The following MID1 variants were observed in gnomAD, a reference collection of about 807,000 sequenced individuals.
MID1 encodes the protein midline 1.
A neutral mutation model predicts 40.4 loss-of-function variants in MID1; 7 were observed. The observed-to-expected ratio is 0.17, with a 90% CI of 0.10 to 0.33. The LOEUF (loss-of-function observed/expected upper bound fraction) is 0.33. Among genes scored for constraint, MID1 ranks in the 10% least tolerant of loss-of-function variants. MID1 has a pLI of 1.00. For synonymous variants in MID1, 229 were observed against 221.2 expected, an observed-to-expected ratio of 1.04 and a Z score of -0.31; for missense variants, 367 against 558.5, an observed-to-expected ratio of 0.66 and a Z score of 3.46.
chrX:10,533,472 T>TAAA (rs201138973), intron 2 of MID1, among the ~76,000 whole-genome samples: 4,341 of 91,360 alleles, frequency 0.048, 166 homozygotes, highest in Non-Finnish European at 0.066. Flanking sequence ...ATGTGGATGG[T>TAAA]AAAAAAAAAA....
chrX:10,674,375 C>A (rs1338533591), intron 1 of MID1, among the ~76,000 whole-genome samples: 5 of 112,497 alleles, frequency 4.4e-5, no homozygotes. Flanking sequence ...GTTAGAACAG[C>A]ACGAGTTGGT....
At chrX:10,719,684 T>C (rs1245287324) in intron 1 of MID1, among the ~76,000 whole-genome samples, 1 of 111,354 alleles carries the variant, frequency 9.0e-6, no homozygotes, top group Non-Finnish European at 1.9e-5. Flanking sequence ...CTTCACAGAA[T>C]TGGAAAAAAT....
rs757899428 is a variant in MID1 at position 10,657,840 on chromosome X, T to C, written c.-186-37421A>G. Among the ~76,000 whole-genome samples the C allele has an allele frequency of 7.4e-4, 83 of 112,346 alleles. 1 individual carries two copies. Among genetic ancestry groups the C allele is most frequent in the South Asian group, 1.1e-3 (3 of 2,702 alleles). On this transcript the variant is annotated intron_variant, in intron 1 of 10. Transcript: ENST00000380785. The stretch of plus-strand genomic sequence containing the variant: ...AAACATTGACTTTTGGGTTGTAGGC[T>C]AAAGCACAGAGTTTAAATTGGTTAG...
intron 1 of MID1, among the ~76,000 whole-genome samples, chrX:10,669,260 A>G (rs1399985607): frequency 6.5e-5 from 7 of 106,945 alleles, no homozygotes; most frequent in African/African-American, 2.4e-4. Flanking sequence ...AAAAAAAGAA[A>G]TCTAGGACAC....
At chrX:10,582,618 C>G (rs145830019) in intron 1 of MID1, among the ~76,000 whole-genome samples, 2 of 111,920 alleles carry the variant, frequency 1.8e-5, no homozygotes, top group Non-Finnish European at 3.8e-5. Context: ...TCCTTACCAA[C>G]GGCTCCAAGC....
chrX:10,577,650 A>G (rs979475636), intron 1 of MID1, among the ~76,000 whole-genome samples: 54 of 83,286 alleles, frequency 6.5e-4, no homozygotes, highest in African/African-American at 7.4e-4. Context: ...TCGTGTGTGT[A>G]TATATATATA....
chrX:10,714,265 C>T (rs144351121), intron 1 of MID1, among the ~76,000 whole-genome samples: 1,173 of 112,715 alleles, frequency 0.01, 22 homozygotes, highest in African/African-American at 0.036. Context: ...GGAATGCAAA[C>T]AATCAGAAAT....
chrX:10,596,759 T>C (rs1172499161), intron 1 of MID1, among the ~76,000 whole-genome samples: 2 of 112,059 alleles, frequency 1.8e-5, no homozygotes, highest in Non-Finnish European at 3.8e-5. Context: ...AAACCTACAG[T>C]AACTCCTGAA....
rs1351786523 is a variant in MID1, at chrX:10,598,944, C to T, written c.-57+21346G>A. Among the ~76,000 whole-genome samples the T allele has an allele frequency of 3.6e-5, 4 of 111,895 alleles. 1 individual carries two copies. The highest frequency in any genetic ancestry group is 3.8e-4 in the South Asian group (1 of 2,623). Reference sequence around the variant, plus strand: ...ACATTTGTGCTAATTTGCTATGCAGCAATAGTAAATGAACACACCTTCCCT... The same window carrying T: ...ACATTTGTGCTAATTTGCTATGCAGTAATAGTAAATGAACACACCTTCCCT... On this transcript the variant is annotated intron_variant, in intron 1 of 9. Transcript: ENST00000317552.
At chrX:10,788,442 T>G (rs1298409952) in intron 1 of MID1, among the ~76,000 whole-genome samples, 2 of 111,866 alleles carry the variant, frequency 1.8e-5, no homozygotes, top group Non-Finnish European at 3.8e-5. Flanking sequence ...ATGTTGCTTA[T>G]TGTGTTCATA....
intron 1 of MID1, among the ~76,000 whole-genome samples, chrX:10,590,204 T>C (rs183276455): frequency 4.0e-4 from 45 of 111,867 alleles, no homozygotes; most frequent in Middle Eastern, 4.6e-3. Context: ...GGCCCAGGCC[T>C]GGTTTCAGGT....
chrX:10,553,354 C>A (rs1196497429), intron 2 of MID1, among the ~76,000 whole-genome samples: 2 of 110,787 alleles, frequency 1.8e-5, no homozygotes, highest in African/African-American at 6.5e-5. Context: ...TTTGAGATAT[C>A]TTTGTTTTAG....
At chrX:10,483,474 C>T (rs1327991043) in intron 4 of MID1, among the ~76,000 whole-genome samples, 2 of 112,054 alleles carry the variant, frequency 1.8e-5, no homozygotes, top group African/African-American at 6.5e-5. Flanking sequence ...CTTGACCGTT[C>T]GCTCTTGTGT....
At chrX:10,474,558 T>C in intron 6 of MID1, 65 bp downstream of exon 6, 4 of 1,108,775 alleles carry the variant, frequency 3.6e-6, no homozygotes, top group Non-Finnish European at 5.0e-6. Flanking sequence ...GAATAACTGA[T>C]CTGGTGGCAA....
rs147820647 is a variant in MID1, at chrX:10,469,412, G to A, written c.1285+285C>T. The A allele has an allele frequency of 0.016, 16,756 of 1,054,730 alleles. 205 individuals carry two copies. Among genetic ancestry groups the A allele is most frequent in the African/African-American group, 0.071 (3,717 of 52,066 alleles). 86.9% of individuals were successfully genotyped at this position (1,054,730 alleles called of 1,213,427 possible). A position where few individuals can be genotyped will look rare whatever the true frequency, so the allele number is the denominator to read the frequency against. On this transcript the variant is annotated intron_variant, in intron 7 of 9. Coordinates refer to ENST00000317552, the MANE Select transcript of MID1 (RefSeq NM_000381.4). ...TATATATATTTGTTTCTCTCTCTATGTATCTCTCTATATATTTGTTTCTCT... is the reference window on the plus strand; with the variant it reads ...TATATATATTTGTTTCTCTCTCTATATATCTCTCTATATATTTGTTTCTCT...
intron 1 of MID1, among the ~76,000 whole-genome samples, chrX:10,767,711 G>A (rs2043740675): frequency 9.0e-6 from 1 of 111,628 alleles, no homozygotes; most frequent in Non-Finnish European, 1.9e-5. Flanking sequence ...AATAATACTG[G>A]ACTCTTTAAG....
chrX:10,723,582 C>T (rs941354905), intron 1 of MID1, among the ~76,000 whole-genome samples: 11 of 113,264 alleles, frequency 9.7e-5, no homozygotes, highest in African/African-American at 2.9e-4. Context: ...GACGGAGTCT[C>T]GCTCTGCCGC....
At chrX:10,583,946 G>A (rs1342146864) in intron 1 of MID1, among the ~76,000 whole-genome samples, 2 of 110,136 alleles carry the variant, frequency 1.8e-5, no homozygotes, top group African/African-American at 6.6e-5. Flanking sequence ...CAGGAGAATT[G>A]CTTGAACCCG....
intron 2 of MID1, among the ~76,000 whole-genome samples, chrX:10,548,704 T>A (rs1933793767): frequency 9.0e-6 from 1 of 111,600 alleles, no homozygotes; most frequent in African/African-American, 3.3e-5. Flanking sequence ...ATACAAACAG[T>A]GAAAAATACC....
Sources: gnomAD v4.1 joint callset for allele counts (sites outside exome capture counted in the v4.1 genomes callset) on GRCh38, gnomAD v4.1.1 for gene constraint, MANE v1.5 for transcripts, NCBI Gene and HGNC (gene_info 2026-07-23, HGNC 2026-07-21) for gene names.